The following CDH12 variants were observed in gnomAD, a reference collection of about 807,000 sequenced individuals.
CDH12 encodes cadherin-12.
In CDH12, 41 loss-of-function variants were observed where a neutral mutation model predicts 74.1. The ratio of observed to expected loss-of-function variants is 0.55; its 90% CI spans 0.43 to 0.72. The LOEUF (loss-of-function observed/expected upper bound fraction) is 0.72, where lower values mean the gene tolerates loss of function less well. Ranked by LOEUF, CDH12 falls within the 30% of genes least tolerant of loss-of-function variation. The probability of loss-of-function intolerance (pLI) is 0.00; values close to 1 mark genes in which losing one functional copy is unlikely to be tolerated. For synonymous variants in CDH12, 399 were observed against 355.0 expected, an observed-to-expected ratio of 1.12 and a Z score of -1.39; for missense variants, 945 against 977.2, an observed-to-expected ratio of 0.97 and a Z score of 0.44.
At chr5:22,432,464 T>C (rs1026138015) in intron 2 of CDH12, among the ~76,000 whole-genome samples, 6 of 152,160 alleles carry the variant, frequency 3.9e-5, no homozygotes, top group African/African-American at 1.4e-4. Context: ...TACTTTTCAA[T>C]AGGCAGATAT....
At chr5:22,242,243 GC>G in intron 3 of CDH12, among the ~76,000 whole-genome samples, 1 of 152,220 alleles carries the variant, frequency 6.6e-6, no homozygotes, top group East Asian at 1.9e-4. Context: ...CATTTTTCAA[GC>G]TTTTACTAAG....
intron 8 of CDH12, among the ~76,000 whole-genome samples, 155 bp downstream of exon 8, chr5:21,842,005 TA>T (rs34987918): frequency 0.079 from 11,243 of 141,606 alleles, 467 homozygotes; most frequent in East Asian, 0.19. Flanking sequence ...ACTTAAAGTA[TA>T]AAAAAAAAAA....
At chr5:21,782,700 C>T (rs1183775497) in intron 11 of CDH12, among the ~76,000 whole-genome samples, 1 of 152,080 alleles carries the variant, frequency 6.6e-6, no homozygotes, top group African/African-American at 2.4e-5. Flanking sequence ...TCACCCTGAT[C>T]CATTACTTGA....
At chr5:22,265,427 G>A (rs57202536) in intron 3 of CDH12, among the ~76,000 whole-genome samples, 3,854 of 152,132 alleles carry the variant, frequency 0.025, 71 homozygotes, top group African/African-American at 0.052. Context: ...CTTAACTTCA[G>A]GAATACTTAA....
intron 2 of CDH12, among the ~76,000 whole-genome samples, chr5:22,429,115 T>C: frequency 6.8e-6 from 1 of 146,278 alleles, no homozygotes; most frequent in Non-Finnish European, 1.5e-5. Context: ...TTTTATTTTA[T>C]TTTATTTTAT....
At chr5:22,695,684 T>A (rs932428985) in intron 1 of CDH12, among the ~76,000 whole-genome samples, 26 of 152,350 alleles carry the variant, frequency 1.7e-4, no homozygotes, top group Admixed American at 3.9e-4. Context: ...CATAGCAATT[T>A]TTTTATTGTC....
Position 22,587,018 on chromosome 5 carries a change from T to C in CDH12, c.-522-81654A>G, listed in dbSNP as rs368744050. On this transcript the variant is annotated intron_variant, in intron 1 of 14. Coordinates refer to ENST00000382254, the MANE Select transcript of CDH12 (RefSeq NM_004061.5). The stretch of plus-strand genomic sequence containing the variant: ...GCCTGGCTAATTTTTGTATTTTTAA[T>C]AGAGATGGGGTTTCACCATGTTGAC... 5.1e-4 allele frequency among the ~76,000 whole-genome samples: 77 copies of C among 152,062 alleles called. No homozygotes were observed. In the South Asian group the frequency reaches 0.015, roughly 30 times the overall value.
intron 1 of CDH12, among the ~76,000 whole-genome samples, chr5:22,507,445 A>G (rs1304996039): frequency 6.6e-6 from 1 of 152,156 alleles, no homozygotes; most frequent in East Asian, 1.9e-4. Flanking sequence ...TAACATTTTT[A>G]TTATAAAAGT....
intron 11 of CDH12, among the ~76,000 whole-genome samples, chr5:21,771,243 A>T (rs566076877): frequency 7.8e-4 from 118 of 152,088 alleles, no homozygotes; most frequent in Non-Finnish European, 1.4e-3. Flanking sequence ...TGTGTTCTAA[A>T]TTACAACTAC....
chr5:21,795,929 T>C (rs1321336435), intron 10 of CDH12, among the ~76,000 whole-genome samples: 1 of 152,010 alleles, frequency 6.6e-6, no homozygotes, highest in East Asian at 1.9e-4. Flanking sequence ...TACAAAAGTG[T>C]GGTAAAAAGA....
chr5:21,764,590 A>T (rs533707384), intron 12 of CDH12, among the ~76,000 whole-genome samples: 1 of 147,952 alleles, frequency 6.8e-6, no homozygotes, highest in Non-Finnish European at 1.5e-5. Flanking sequence ...CAGAGGTTGC[A>T]GTGAGCCAAG....
At chr5:21,859,561 G>C (rs1431979000) in intron 6 of CDH12, among the ~76,000 whole-genome samples, 1 of 151,468 alleles carries the variant, frequency 6.6e-6, no homozygotes. Flanking sequence ...GAAATCAAAG[G>C]GTGGACACGG....
chr5:21,913,876 G>A (rs1232001992), intron 6 of CDH12, among the ~76,000 whole-genome samples: 1 of 152,038 alleles, frequency 6.6e-6, no homozygotes, highest in Non-Finnish European at 1.5e-5. Flanking sequence ...AGAGATAGGA[G>A]TCTCACTGTG....
chr5:22,381,573 G>T (rs984159886), intron 3 of CDH12, among the ~76,000 whole-genome samples: 1 of 151,646 alleles, frequency 6.6e-6, no homozygotes, highest in Non-Finnish European at 1.5e-5. Context: ...TTACTATTCA[G>T]ATGGTGGGTG....
intron 1 of CDH12, among the ~76,000 whole-genome samples, chr5:22,620,209 C>A (rs775308546): frequency 6.6e-6 from 1 of 151,866 alleles, no homozygotes; most frequent in African/African-American, 2.4e-5. Flanking sequence ...ACTGGATACC[C>A]CCAATGGCCA....
intron 3 of CDH12, among the ~76,000 whole-genome samples, chr5:22,274,448 T>C (rs1333438272): frequency 6.6e-6 from 1 of 152,160 alleles, no homozygotes; most frequent in Non-Finnish European, 1.5e-5. Context: ...ACATAAATGA[T>C]GACTGAAGTC....
At chr5:21,793,054 G>A (rs561101794) in intron 10 of CDH12, among the ~76,000 whole-genome samples, 1 of 151,720 alleles carries the variant, frequency 6.6e-6, no homozygotes, top group African/African-American at 2.4e-5. Flanking sequence ...TTTTGGACTT[G>A]GTTGTCAGAT....
intron 1 of CDH12, among the ~76,000 whole-genome samples, chr5:22,635,244 A>T (rs1421865461): frequency 2.0e-5 from 3 of 152,148 alleles, no homozygotes; most frequent in African/African-American, 4.8e-5. Context: ...TTCAATGGGG[A>T]CACAATTTTC....
intron 3 of CDH12, among the ~76,000 whole-genome samples, chr5:22,231,288 C>T (rs1398312957): frequency 2.0e-5 from 3 of 152,032 alleles, no homozygotes; most frequent in African/African-American, 7.2e-5. Flanking sequence ...CATATATTGG[C>T]TCAAATTTAT....
Sources: gnomAD v4.1 joint callset for allele counts (sites outside exome capture counted in the v4.1 genomes callset) on GRCh38, gnomAD v4.1.1 for gene constraint, MANE v1.5 for transcripts, NCBI Gene and HGNC (gene_info 2026-07-23, HGNC 2026-07-21) for gene names.